Variants in TRRAP observed in about 807,000 individuals in gnomAD.
TRRAP encodes transformation/transcription domain-associated protein.
In TRRAP, 41 loss-of-function variants were observed where a neutral mutation model predicts 438.8. That is an observed-to-expected ratio of 0.09 (90% confidence interval 0.07 to 0.12). The LOEUF (loss-of-function observed/expected upper bound fraction) is 0.12. TRRAP is among the 10% of genes least tolerant of loss of function. The pLI is 1.00. For missense variants in TRRAP, 3,122 were observed against 5,055.1 expected, an observed-to-expected ratio of 0.62 and a Z score of 11.60; for synonymous variants, 1,994 against 1,962.9, an observed-to-expected ratio of 1.02 and a Z score of -0.42.
chr7:98,932,334 C>T (rs1554413123), intron 26 of TRRAP, among the ~76,000 whole-genome samples: 3 of 152,088 alleles, frequency 2.0e-5, no homozygotes, highest in Admixed American at 6.5e-5. Context: ...AGGGTGGTCT[C>T]GGTCTTCTGA....
Position 98,910,189 on chromosome 7 carries a change from G to T in TRRAP, c.1484G>T (p.Gly495Val). Reference protein sequence around the residue: ...PGVPTAPAAPGPAPSPAPVPA... With the variant: ...PGVPTAPAAPVPAPSPAPVPA... ...GTGCCCACTGCCCCTGCAGCTCCTG[G>T]CCCTGCTCCCTCCCCAGCCCCTGTC... Residue 495 changes from glycine to valine, a missense_variant, in exon 15 of 73, where the codon GGC (glycine) becomes GTC (valine). Gly to Val is a moderately radical substitution (Grantham distance 109, BLOSUM62 -3). Transcript: ENST00000456197. 6.2e-7 allele frequency: 1 copy of T among 1,608,252 alleles called. No homozygotes were observed.
chr7:98,985,240 A>G (rs547447481), intron 62 of TRRAP, among the ~76,000 whole-genome samples, 196 bp downstream of exon 62: 1 of 152,356 alleles, frequency 6.6e-6, no homozygotes, highest in South Asian at 2.1e-4. Context: ...TTTGATGTGT[A>G]GTATTTTAAA....
At chr7:98,912,272 A>T in intron 18 of TRRAP, 59 bp downstream of exon 18, 1 of 1,556,702 alleles carries the variant, frequency 6.4e-7, no homozygotes. Flanking sequence ...GTTGTTAGAG[A>T]CAGGGCCTCA....
intron 58 of TRRAP, among the ~76,000 whole-genome samples, chr7:98,980,889 C>CA (rs148990573): frequency 1.3e-5 from 2 of 151,888 alleles, no homozygotes; most frequent in Non-Finnish European, 2.9e-5. Context: ...CCCGTTTCTA[C>CA]AAAAAATAAA....
rs1792067888 is a variant in TRRAP, at chr7:98,964,584, G to A, written c.6830-45G>A. 1.9e-6 allele frequency: 3 copies of A among 1,593,116 alleles called. No homozygotes were observed. In the East Asian group the frequency reaches 6.7e-5, roughly 36 times the overall value. ...GTGTTGCTTTCACTCTGTTTTTCGT[G>A]GTTGTTACTTTTCTGTGAAACACTT... On this transcript the variant is annotated intron_variant, in intron 47 of 72. Transcript: ENST00000456197.
chr7:98,935,376 C>A (rs146805509), intron 27 of TRRAP, among the ~76,000 whole-genome samples: 22 of 152,296 alleles, frequency 1.4e-4, no homozygotes, highest in African/African-American at 5.3e-4. Context: ...TCTAAGAATT[C>A]TTTCCACTAA....
At chr7:98,909,221 C>T (rs1796940760) in intron 14 of TRRAP, among the ~76,000 whole-genome samples, 1 of 151,930 alleles carries the variant, frequency 6.6e-6, no homozygotes, top group African/African-American at 2.4e-5. Flanking sequence ...ACAGGGTTTT[C>T]CCATGTTGAC....
In TRRAP at chr7:98,961,449, G is replaced by A; in HGVS notation, c.6678G>A (p.Leu2226=). 2.5e-6 allele frequency: 4 copies of A among 1,614,226 alleles called. No individual in the cohort carries two copies. The highest frequency in any genetic ancestry group is 3.4e-6 in the Non-Finnish European group (4 of 1,180,052). ...CCGTCCACAGCCTTCTCTCGCGCCTGATGAGCATTTTCCCAACAGAGCCGA... is the reference window on the plus strand; with the variant it reads ...CCGTCCACAGCCTTCTCTCGCGCCTAATGAGCATTTTCCCAACAGAGCCGA... ...LRAVHSLLSR[L]MSIFPTEPST... is the part of the protein sequence containing the mutation. Residue 2226 remains leucine (L), a synonymous_variant, in exon 46 of 73, where the codon CTG becomes CTA. Coordinates refer to ENST00000456197, the MANE Select transcript of TRRAP (RefSeq NM_001375524.1).
intron 31 of TRRAP, among the ~76,000 whole-genome samples, chr7:98,944,949 C>T (rs1008116624): frequency 7.9e-5 from 12 of 152,110 alleles, no homozygotes; most frequent in South Asian, 2.1e-4. Context: ...GGATTACAGG[C>T]GCCTGACACC....
chr7:98,998,271 T>C (rs902662453), intron 67 of TRRAP, among the ~76,000 whole-genome samples: 9 of 152,214 alleles, frequency 5.9e-5, no homozygotes, highest in Non-Finnish European at 1.0e-4. Context: ...TTTTAACTTT[T>C]CAGAGCTTTG....
intron 53 of TRRAP, among the ~76,000 whole-genome samples, chr7:98,975,260 T>C (rs1792603897): frequency 6.6e-6 from 1 of 152,238 alleles, no homozygotes; most frequent in South Asian, 2.1e-4. Context: ...GAAACGTGAA[T>C]GTGCCCATGG....
At chr7:98,935,295 GAAAA>G (rs532816242) in intron 27 of TRRAP, among the ~76,000 whole-genome samples, 1 of 150,830 alleles carries the variant, frequency 6.6e-6, no homozygotes, top group Non-Finnish European at 1.5e-5. Flanking sequence ...GTTTTGAGGA[GAAAA>G]AAAAACGTGA....
At chr7:98,882,225 A>T (rs782002478) in intron 3 of TRRAP, among the ~76,000 whole-genome samples, 1 of 152,094 alleles carries the variant, frequency 6.6e-6, no homozygotes, top group Non-Finnish European at 1.5e-5. Flanking sequence ...ACCCCATACC[A>T]TGTTGAGGAT....
rs900490346 is a variant in TRRAP at position 98,952,872 on chromosome 7, G to A, written c.5464-295G>A. ...TTCATCTGTAGCTCTCCTTAGGAAC[G>A]AAAGGAGCCAGTTTCTTGCATGACT... On this transcript the variant is annotated intron_variant, in intron 39 of 72. Coordinates refer to ENST00000456197, the MANE Select transcript of TRRAP (RefSeq NM_001375524.1). Among the ~76,000 whole-genome samples, 5 of 152,162 alleles carry A rather than the reference G, an allele frequency of 3.3e-5. No homozygotes were observed. In the East Asian group the frequency reaches 7.7e-4, roughly 23 times the overall value.
chr7:98,997,482 G>GAAAA (rs1562977777), intron 67 of TRRAP, among the ~76,000 whole-genome samples: 1 of 39,316 alleles, frequency 2.5e-5, no homozygotes, highest in African/African-American at 1.1e-4. Context: ...CACTGCTGTT[G>GAAAA]CAAAAAAAAA....
At chr7:98,922,562 G>T (rs542800572) in intron 21 of TRRAP, among the ~76,000 whole-genome samples, 1 of 151,548 alleles carries the variant, frequency 6.6e-6, no homozygotes, top group Non-Finnish European at 1.5e-5. Context: ...TCATTCCATC[G>T]TCACGTTGGC....
chr7:98,943,273 T>C (rs1444317188), intron 31 of TRRAP, among the ~76,000 whole-genome samples: 2 of 152,234 alleles, frequency 1.3e-5, no homozygotes, highest in African/African-American at 4.8e-5. Flanking sequence ...TTGAGAATTC[T>C]GGGGGGCTTG....
At chr7:98,943,638 T>A (rs310740) in intron 31 of TRRAP, among the ~76,000 whole-genome samples, 133,749 of 152,262 alleles carry the variant, frequency 0.88, 58,935 homozygotes, top group South Asian at 0.94. Flanking sequence ...AAAGTGTCTA[T>A]TGTGGGTCAT....
chr7:98,878,868 T>TGGCGCTC (rs1220430484), intron 1 of TRRAP, among the ~76,000 whole-genome samples: 1 of 152,098 alleles, frequency 6.6e-6, no homozygotes, highest in Non-Finnish European at 1.5e-5. Context: ...GCGCGGGAAT[T>TGGCGCTC]GGCGCTCGGC....
Sources: allele counts gnomAD v4.1 joint callset (sites outside exome capture counted in the v4.1 genomes callset), GRCh38; gene constraint gnomAD v4.1.1; transcripts MANE v1.5; gene names NCBI Gene and HGNC (gene_info 2026-07-23, HGNC 2026-07-21).